The following NR6A1 variants were observed in gnomAD, a reference collection of about 807,000 sequenced individuals.
NR6A1 encodes retinoic acid receptor-related testis-associated receptor.
In NR6A1, 7 loss-of-function variants were observed where a neutral mutation model predicts 59.1. That is an observed-to-expected ratio of 0.12 (90% CI 0.07 to 0.22). The LOEUF (loss-of-function observed/expected upper bound fraction) is 0.22, where lower values mean the gene tolerates loss of function less well. Ranked by LOEUF, NR6A1 falls within the 10% of genes least tolerant of loss-of-function variation. The pLI is 1.00. For missense variants in NR6A1, 468 were observed against 611.6 expected (o/e 0.77, Z 2.48); for synonymous variants, 243 against 236.1 (o/e 1.03, Z -0.27).
intron 1 of NR6A1, among the ~76,000 whole-genome samples, chr9:124,740,896 A>G (rs1840156731): frequency 6.6e-6 from 1 of 152,174 alleles, no homozygotes; most frequent in African/African-American, 2.4e-5. Context: ...TGTCCCAGGA[A>G]AGGCAGCTCA....
At chr9:124,618,659 C>G (rs1257617332) in intron 2 of NR6A1, among the ~76,000 whole-genome samples, 1 of 152,124 alleles carries the variant, frequency 6.6e-6, no homozygotes, top group Non-Finnish European at 1.5e-5. Flanking sequence ...GTTTGGGCCA[C>G]TCGATATTTC....
intron 2 of NR6A1, among the ~76,000 whole-genome samples, chr9:124,622,226 T>C (rs1836097800): frequency 6.6e-6 from 1 of 152,110 alleles, no homozygotes; most frequent in African/African-American, 2.4e-5. Context: ...AAGTCTGGCA[T>C]GACCAACCAG....
At chr9:124,650,743 A>G (rs1012751748) in intron 2 of NR6A1, among the ~76,000 whole-genome samples, 5 of 152,354 alleles carry the variant, frequency 3.3e-5, no homozygotes, top group Non-Finnish European at 7.3e-5. Flanking sequence ...AACAACAACA[A>G]CAAATAACTT....
intron 2 of NR6A1, among the ~76,000 whole-genome samples, chr9:124,615,038 T>C (rs991635320): frequency 2.0e-5 from 3 of 152,218 alleles, no homozygotes; most frequent in African/African-American, 4.8e-5. Context: ...AATAAGATAG[T>C]TGGATTCCAC....
At chr9:124,681,695 T>C (rs189314662) in intron 2 of NR6A1, among the ~76,000 whole-genome samples, 3 of 152,228 alleles carry the variant, frequency 2.0e-5, no homozygotes, top group African/African-American at 7.2e-5. Context: ...TATCTGTCAC[T>C]GTGAGCTTCA....
intron 2 of NR6A1, among the ~76,000 whole-genome samples, chr9:124,694,161 C>T (rs748619173): frequency 5.9e-5 from 9 of 151,952 alleles, no homozygotes; most frequent in African/African-American, 1.2e-4. Flanking sequence ...TCCATTTCCT[C>T]GGAGGAAAAC....
chr9:124,632,090 CTG>C (rs1836462047), intron 2 of NR6A1, among the ~76,000 whole-genome samples: 1 of 152,098 alleles, frequency 6.6e-6, no homozygotes, highest in Non-Finnish European at 1.5e-5. Flanking sequence ...TAGATTGATT[CTG>C]TGTCTTTGCT....
intron 2 of NR6A1, among the ~76,000 whole-genome samples, chr9:124,684,820 G>A (rs1181186262): frequency 6.6e-6 from 1 of 152,100 alleles, no homozygotes. Flanking sequence ...ACACCACTCA[G>A]TACTGCTTAC....
At chr9:124,641,692 A>C (rs1836771070) in intron 2 of NR6A1, among the ~76,000 whole-genome samples, 1 of 152,208 alleles carries the variant, frequency 6.6e-6, no homozygotes, top group African/African-American at 2.4e-5. Context: ...GTTTCAAAAA[A>C]AGAGAGAGGG....
At chr9:124,619,830 G>C (rs1242809007) in intron 2 of NR6A1, among the ~76,000 whole-genome samples, 1 of 152,150 alleles carries the variant, frequency 6.6e-6, no homozygotes, top group Non-Finnish European at 1.5e-5. Flanking sequence ...GGGAGGCCGA[G>C]GCAGGTGGAT....
intron 1 of NR6A1, among the ~76,000 whole-genome samples, chr9:124,742,605 T>C (rs577437660): frequency 6.7e-6 from 1 of 150,076 alleles, no homozygotes; most frequent in South Asian, 2.1e-4. Flanking sequence ...AGCTGGGCAC[T>C]GTGGCTCACG....
At chr9:124,769,950 A>G (rs909629536) in intron 1 of NR6A1, among the ~76,000 whole-genome samples, 3 of 152,238 alleles carry the variant, frequency 2.0e-5, no homozygotes, top group African/African-American at 4.8e-5. Context: ...GAGGAGGAAA[A>G]TATCAAACAG....
At chr9:124,621,927 A>G (rs910666568) in intron 2 of NR6A1, among the ~76,000 whole-genome samples, 1 of 152,112 alleles carries the variant, frequency 6.6e-6, no homozygotes, top group Non-Finnish European at 1.5e-5. Flanking sequence ...AACCAAGAAA[A>G]TAACAGCCGA....
Position 124,517,476 on chromosome 9 carries a change from G to C in NR6A1, c.*5229C>G, listed in dbSNP as rs1832710889. ...CGCCAGCTATCATTTGGTCATGGAGGGTTGATGGAGTCAGGCTGGCGGGCA... is the reference window on the plus strand; with the variant it reads ...CGCCAGCTATCATTTGGTCATGGAGCGTTGATGGAGTCAGGCTGGCGGGCA... On this transcript the variant is annotated 3_prime_UTR_variant, in exon 10 of 10. Coordinates refer to ENST00000487099, the MANE Select transcript of NR6A1 (RefSeq NM_033334.4). 1 of 152,284 alleles carries C rather than the reference G, an allele frequency of 6.6e-6. No homozygotes were observed. The highest frequency in any genetic ancestry group is 2.1e-4 in the South Asian group (1 of 4,832). 9.4% of individuals were successfully genotyped at this position (152,284 alleles called of 1,614,324 possible).
intron 1 of NR6A1, among the ~76,000 whole-genome samples, chr9:124,770,711 G>T (rs1389095278): frequency 2.4e-5 from 3 of 126,892 alleles, no homozygotes; most frequent in African/African-American, 8.9e-5. Context: ...TGAGGGGACG[G>T]GGGGAGGGGA....
chr9:124,672,508 G>C (rs1444316197), intron 2 of NR6A1, among the ~76,000 whole-genome samples: 1 of 152,040 alleles, frequency 6.6e-6, no homozygotes, highest in Admixed American at 6.6e-5. Flanking sequence ...CCAGCAACTC[G>C]GGAGGCTGAG....
chr9:124,541,346 A>T (rs2131358501), intron 4 of NR6A1, among the ~76,000 whole-genome samples: 1 of 152,346 alleles, frequency 6.6e-6, no homozygotes, highest in Middle Eastern at 3.4e-3. Context: ...TTCTCCAAAG[A>T]AGACAAATGA....
intron 7 of NR6A1, among the ~76,000 whole-genome samples, chr9:124,533,504 G>T (rs1233868055): frequency 6.6e-6 from 1 of 152,148 alleles, no homozygotes; most frequent in African/African-American, 2.4e-5. Context: ...TGTGCAAAGG[G>T]CCCTTGCAGG....
chr9:124,574,609 T>TCCCAAAC (rs1834537248), intron 2 of NR6A1, among the ~76,000 whole-genome samples: 2 of 152,238 alleles, frequency 1.3e-5, no homozygotes, highest in Non-Finnish European at 2.9e-5. Flanking sequence ...CCCTCCCGTT[T>TCCCAAAC]TCCACCAAGA....
Sources: gnomAD v4.1 joint callset for allele counts (sites outside exome capture counted in the v4.1 genomes callset) on GRCh38, gnomAD v4.1.1 for gene constraint, MANE v1.5 for transcripts, NCBI Gene and HGNC (gene_info 2026-07-23, HGNC 2026-07-21) for gene names.